SH3TC1: variants seen among roughly 807,000 people sequenced by gnomAD.
The protein encoded by SH3TC1 is SH3 domain and tetratricopeptide repeats 1, also known as SH3 domain and tetratricopeptide repeat-containing protein 1.
Under a neutral mutation model 117.3 loss-of-function variants are expected in SH3TC1, and 135 were observed. The observed-to-expected ratio is 1.15, with a 90% CI of 1.00 to 1.33. SH3TC1 has a LOEUF of 1.33. Ranked by LOEUF, SH3TC1 falls within the 40% of genes most tolerant of loss-of-function variation. SH3TC1 has a pLI of 0.00. For synonymous variants in SH3TC1, 898 were observed against 816.9 expected (o/e 1.10, Z -1.69); for missense variants, 2,092 against 1,794.3 (o/e 1.17, Z -3.00).
rs762513794 is a variant in SH3TC1 at position 8,240,746 on chromosome 4, G to A, written c.3802G>A (p.Val1268Met). 4.3e-6 allele frequency: 7 copies of A among 1,613,924 alleles called. No individual in the cohort carries two copies. The highest frequency in any genetic ancestry group is 5.9e-6 in the Non-Finnish European group (7 of 1,180,030). Residue 1268 changes from valine to methionine, a missense_variant, in exon 18 of 18, where the codon GTG (valine) becomes ATG (methionine). By Grantham distance (21) the Val-to-Met change is conservative (BLOSUM62 1). Coordinates refer to ENST00000245105, the MANE Select transcript of SH3TC1 (RefSeq NM_018986.5). ...GYYQLALAAAVDLGNKKAQLK... is the reference protein window; with the variant it reads ...GYYQLALAAAMDLGNKKAQLK... Reference sequence around the variant, plus strand: ...CTACCAGCTGGCGCTGGCAGCCGCCGTGGACCTGGGCAACAAGAAGGCACA... The same window carrying A: ...CTACCAGCTGGCGCTGGCAGCCGCCATGGACCTGGGCAACAAGAAGGCACA...
chr4:8,235,517 G>C lies in SH3TC1; in HGVS notation c.3367G>C (p.Gly1123Arg), dbSNP rs775496304. The C allele has an allele frequency of 2.5e-6, 4 of 1,606,440 alleles. No individual in the cohort carries two copies. The highest frequency in any genetic ancestry group is 3.4e-6 in the Non-Finnish European group (4 of 1,175,698). The change falls in exon 15 of 18, where the codon GGG becomes CGG. Residue 1123 changes from glycine (G) to arginine (R), a missense_variant. Physicochemically the swap from Gly to Arg is moderately radical, Grantham distance 125. Coordinates refer to ENST00000245105, the MANE Select transcript of SH3TC1 (RefSeq NM_018986.5). ...FEAAGDIFFD[G>R]AWEREKAVSF... ...GGCGGCTGGAGACATCTTCTTCGACGGGGCCTGGGAGCGGGAGAAAGCTGT... is the reference window on the plus strand; with the variant it reads ...GGCGGCTGGAGACATCTTCTTCGACCGGGCCTGGGAGCGGGAGAAAGCTGT...
intron 17 of SH3TC1, among the ~76,000 whole-genome samples, chr4:8,238,823 A>G (rs977546187): frequency 2.0e-5 from 3 of 152,190 alleles, no homozygotes; most frequent in African/African-American, 7.2e-5. Context: ...GAGGAAGGAA[A>G]GGACGAAGTA....
chr4:8,188,472 C>T (rs904769856), intron 1 of SH3TC1, among the ~76,000 whole-genome samples: 1 of 152,198 alleles, frequency 6.6e-6, no homozygotes, highest in Non-Finnish European at 1.5e-5. Context: ...TGGGCAGGGC[C>T]GTAAAGCAGC....
At chr4:8,229,447 C>G (rs1720914411) in intron 12 of SH3TC1, among the ~76,000 whole-genome samples, 1 of 84,840 alleles carries the variant, frequency 1.2e-5, no homozygotes, top group East Asian at 4.1e-4. Context: ...GGTGAGTGAG[C>G]AGGGGGTGAG....
chr4:8,215,027 CA>C (rs1719115204), intron 5 of SH3TC1: 3 of 416,770 alleles, frequency 7.2e-6, no homozygotes, highest in Non-Finnish European at 1.5e-5. Flanking sequence ...AGCAAGATAA[CA>C]ACACTGGTGT....
rs369015495 is a variant in SH3TC1 at position 8,187,090 on chromosome 4, T to C, written c.-57+4880T>C. Among the ~76,000 whole-genome samples the C allele has an allele frequency of 9.2e-5, 14 of 152,332 alleles. No homozygotes were observed. In the South Asian group the frequency reaches 1.2e-3, roughly 14 times the overall value. ...CAAATGTCACTGCCTCCAGGAAGCC[T>C]TCCCTGACTGCCAGGCACAGTTAAT... is the stretch of plus-strand genomic sequence containing the variant. On this transcript the variant is annotated intron_variant, in intron 1 of 16. Coordinates refer to the SH3TC1 transcript ENST00000508641.
In SH3TC1 at chr4:8,215,991, C is replaced by T. The variant is rs1047153468; in HGVS notation, c.482-120C>T. On this transcript the variant is annotated intron_variant, in intron 5 of 17. Transcript: ENST00000245105. ...TGGGCACCCCAGGGCAGGTGGGTGT[C>T]TTCCATGGTCTCCCTGGACCTGGTC... is the stretch of plus-strand genomic sequence containing the variant. The T allele has an allele frequency of 8.7e-6, 11 of 1,269,598 alleles. No homozygotes were observed. In the African/African-American group the frequency reaches 1.6e-4, roughly 19 times the overall value. 78.6% of individuals were successfully genotyped at this position (1,269,598 alleles called of 1,614,324 possible).
Position 8,205,464 on chromosome 4 carries a change from A to C in SH3TC1, c.172+98A>C, listed in dbSNP as rs570671207. On this transcript the variant is annotated intron_variant, in intron 2 of 17. Transcript: ENST00000245105. The surrounding 1 kb of genome is among the most constrained non-coding windows in gnomAD (Gnocchi z 5.4). Reference sequence around the variant, plus strand: ...ATCCCTCACCACCCTGCCTGCCTCCAGGCCTCTTGGGGCTGGGGCTGGAGT... The same window carrying C: ...ATCCCTCACCACCCTGCCTGCCTCCCGGCCTCTTGGGGCTGGGGCTGGAGT... 4.0e-6 allele frequency: 5 copies of C among 1,256,552 alleles called. No individual in the cohort carries two copies. In the Admixed American group the frequency reaches 8.8e-5, roughly 22 times the overall value. 77.8% of individuals were successfully genotyped at this position (1,256,552 alleles called of 1,614,324 possible).
chr4:8,211,656 C>CT (rs1017078408), intron 3 of SH3TC1, among the ~76,000 whole-genome samples: 3 of 151,266 alleles, frequency 2.0e-5, no homozygotes, highest in African/African-American at 7.3e-5. Flanking sequence ...ATTGGGAACA[C>CT]TTTTTTCTCA....
At chr4:8,212,108 C>T (rs1030265005) in intron 3 of SH3TC1, among the ~76,000 whole-genome samples, 3 of 151,996 alleles carry the variant, frequency 2.0e-5, no homozygotes, top group South Asian at 2.1e-4. Flanking sequence ...GTCATTGATC[C>T]GAGCAGGGGT....
chr4:8,228,744 C>T (rs779334155), intron 12 of SH3TC1, 100 bp downstream of exon 12: 77 of 1,044,858 alleles, frequency 7.4e-5, no homozygotes, highest in African/African-American at 1.6e-4. Flanking sequence ...TTTCCACCAT[C>T]GAAAGTGCTG....
At position 8,225,349 on chromosome 4, in the gene SH3TC1, C is replaced by T; in HGVS notation, c.1285+133C>T. On this transcript the variant is annotated intron_variant, in intron 11 of 17. Coordinates refer to ENST00000245105, the MANE Select transcript of SH3TC1 (RefSeq NM_018986.5). The surrounding 1 kb of genome is among the most constrained non-coding windows in gnomAD (Gnocchi z 5.5). ...ACCCCTCTGTGGTGTGGGCTGGGGG[C>T]TTGGGGGAGGTTGCCTGAGGTGGGC... 1.9e-6 allele frequency: 2 copies of T among 1,043,974 alleles called. No homozygotes were observed. The highest frequency in any genetic ancestry group is 2.2e-5 in the Admixed American group (1 of 46,500). 64.7% of individuals were successfully genotyped at this position (1,043,974 alleles called of 1,614,324 possible). A position where few individuals can be genotyped will look rare whatever the true frequency, so the allele number is the denominator to read the frequency against.
In SH3TC1 at chr4:8,240,859, G is replaced by A. The variant is rs1039271663; in HGVS notation, c.3915G>A (p.Arg1305=). The A allele has an allele frequency of 6.2e-7, 1 of 1,613,810 alleles. No homozygotes were observed. Among genetic ancestry groups the A allele is most frequent in the Non-Finnish European group, 8.5e-7 (1 of 1,180,030 alleles). Residue 1305 remains arginine (R), a synonymous_variant, in exon 18 of 18, where the codon AGG becomes AGA. Transcript: ENST00000245105. ...EKSLFFYQKA[R]TFATELNVRR... ...CGCTCTTCTTCTACCAGAAGGCCAG[G>A]ACCTTCGCCACAGAGCTCAACGTCC...
chr4:8,184,347 A>G (rs1200342052), intron 1 of SH3TC1, among the ~76,000 whole-genome samples: 2 of 152,248 alleles, frequency 1.3e-5, no homozygotes, highest in African/African-American at 2.4e-5. Flanking sequence ...CGGAAGTATC[A>G]GAATGGCTGA....
At chr4:8,238,429 G>T (rs571433811) in intron 17 of SH3TC1, among the ~76,000 whole-genome samples, 1 of 152,190 alleles carries the variant, frequency 6.6e-6, no homozygotes, top group Non-Finnish European at 1.5e-5. Flanking sequence ...TGCCCAGCAG[G>T]CGCCCGCCCC....
rs766474057 is a variant in SH3TC1, at chr4:8,227,672, A to G, written c.1978A>G (p.Ser660Gly). ...LALRRAVGGQ[S>G]LQAEARACFL... ...GCTGCGGCGGGCGGTGGGTGGCCAGAGCCTGCAGGCCGAGGCCCGGGCCTG... is the reference window on the plus strand; with the variant it reads ...GCTGCGGCGGGCGGTGGGTGGCCAGGGCCTGCAGGCCGAGGCCCGGGCCTG... Residue 660 changes from serine (S) to glycine (G), a missense_variant, in exon 12 of 18, where the codon AGC becomes GGC. By Grantham distance (56) the Ser-to-Gly change is moderately conservative. Coordinates refer to ENST00000245105, the MANE Select transcript of SH3TC1 (RefSeq NM_018986.5). The G allele has an allele frequency of 3.9e-6, 6 of 1,536,540 alleles. No homozygotes were observed. The South Asian group carries it at 7.7e-5, about 20-fold the overall frequency.
chr4:8,187,292 G>A (rs1717246986), intron 1 of SH3TC1, among the ~76,000 whole-genome samples: 1 of 150,766 alleles, frequency 6.6e-6, no homozygotes, highest in African/African-American at 2.5e-5. Context: ...AACAGGCTTT[G>A]TCATTGATGC....
chr4:8,218,364 G>C lies in SH3TC1; in HGVS notation c.916+17G>C, dbSNP rs200478204. ...CGCTGATGGGTAAGTGTTTCCATGG[G>C]CCTCTCTTTTTTGGGGAAATGTGTG... is the stretch of plus-strand genomic sequence containing the variant. On this transcript the variant is annotated intron_variant, in intron 8 of 17. Transcript: ENST00000245105. The C allele has an allele frequency of 7.1e-4, 1,139 of 1,595,428 alleles. 2 individuals carry two copies. Among genetic ancestry groups the C allele is most frequent in the Non-Finnish European group, 9.1e-4 (1,063 of 1,166,902 alleles).
At chr4:8,226,870 A>T in intron 11 of SH3TC1, 110 bp from the exon 12 acceptor site, 2 of 725,932 alleles carry the variant, frequency 2.8e-6, no homozygotes, top group Non-Finnish European at 4.2e-6. Flanking sequence ...TATCGTCTGG[A>T]AAGTGCTGCG....
Sources: allele counts gnomAD v4.1 joint callset (sites outside exome capture counted in the v4.1 genomes callset), GRCh38; gene constraint gnomAD v4.1.1; non-coding constraint Gnocchi (gnomAD v3.1); transcripts MANE v1.5; gene names NCBI Gene and HGNC (gene_info 2026-07-23, HGNC 2026-07-21).